ZMYND8: variants seen among roughly 807,000 people sequenced by gnomAD.
The protein encoded by ZMYND8 is MYND-type zinc finger-containing chromatin reader ZMYND8.
In ZMYND8, 37 loss-of-function variants were observed where a neutral mutation model predicts 140.8. The ratio of observed to expected loss-of-function variants is 0.26; its 90% CI spans 0.20 to 0.35. The LOEUF (loss-of-function observed/expected upper bound fraction) is 0.35. Among genes scored for constraint, ZMYND8 ranks in the 10% least tolerant of loss-of-function variants. The probability of loss-of-function intolerance (pLI) is 1.00; values close to 1 mark genes in which losing one functional copy is unlikely to be tolerated. For synonymous variants in ZMYND8, 592 were observed against 597.1 expected, an observed-to-expected ratio of 0.99 and a Z score of 0.12; for missense variants, 1,068 against 1,570.0, an observed-to-expected ratio of 0.68 and a Z score of 5.40.
At chr20:47,253,934 A>G (rs1243400328) in intron 12 of ZMYND8, among the ~76,000 whole-genome samples, 4 of 152,236 alleles carry the variant, frequency 2.6e-5, no homozygotes, top group Non-Finnish European at 4.4e-5. Context: ...TCTTGTTAGA[A>G]TAAACCACCA....
chr20:47,247,781 T>C (rs868423290), intron 13 of ZMYND8, among the ~76,000 whole-genome samples: 9 of 152,102 alleles, frequency 5.9e-5, no homozygotes, highest in Non-Finnish European at 8.8e-5. Flanking sequence ...AGCTGGATCA[T>C]TGGGGAATGT....
At chr20:47,225,540 T>G (rs1600978612) in intron 18 of ZMYND8, among the ~76,000 whole-genome samples, 6 of 14,860 alleles carry the variant, frequency 4.0e-4, no homozygotes, top group Non-Finnish European at 3.7e-4. Context: ...ACAACAAGAG[T>G]GAAACTCCAT....
intron 2 of ZMYND8, among the ~76,000 whole-genome samples, chr20:47,330,361 C>CTTTTTTT (rs111831182): frequency 8.4e-6 from 1 of 118,896 alleles, no homozygotes; most frequent in African/African-American, 3.1e-5. Context: ...GGGTTTTTTG[C>CTTTTTTT]TTTTTTTTTT....
chr20:47,239,269 A>G, intron 14 of ZMYND8, 131 bp from the exon 15 acceptor site: 1 of 1,230,770 alleles, frequency 8.1e-7, no homozygotes, highest in Non-Finnish European at 1.1e-6. Flanking sequence ...CGACGTGCCA[A>G]GCACACCGCG....
intron 3 of ZMYND8, among the ~76,000 whole-genome samples, chr20:47,300,372 T>C (rs2077933013): frequency 6.6e-6 from 1 of 152,184 alleles, no homozygotes. Context: ...GTATAACATG[T>C]TTCTTTTCTG....
chr20:47,346,691 C>G (rs1216682582), intron 2 of ZMYND8, among the ~76,000 whole-genome samples: 1 of 152,150 alleles, frequency 6.6e-6, no homozygotes, highest in African/African-American at 2.4e-5. Flanking sequence ...ACTGCAACCT[C>G]CGCCTCCCAG....
chr20:47,252,802 C>T (rs904895009), intron 12 of ZMYND8, among the ~76,000 whole-genome samples: 1 of 152,102 alleles, frequency 6.6e-6, no homozygotes, highest in African/African-American at 2.4e-5. Context: ...GCCTGTAATC[C>T]CAGCTACTCA....
intron 5 of ZMYND8, among the ~76,000 whole-genome samples, chr20:47,293,163 G>T (rs2077398211): frequency 4.3e-5 from 1 of 23,406 alleles, no homozygotes; most frequent in Admixed American, 3.3e-4. Context: ...AGGGAGGGAG[G>T]GAGGGAGGGA....
At chr20:47,312,831 G>T (rs529551883) in intron 2 of ZMYND8, among the ~76,000 whole-genome samples, 2 of 151,036 alleles carry the variant, frequency 1.3e-5, no homozygotes, top group African/African-American at 4.9e-5. Context: ...AGCCCGGGGT[G>T]AGCACATTCC....
At chr20:47,260,290 A>T (rs1044823354) in intron 12 of ZMYND8, among the ~76,000 whole-genome samples, 1 of 152,160 alleles carries the variant, frequency 6.6e-6, no homozygotes, top group Admixed American at 6.5e-5. Context: ...TATTTGAAAC[A>T]CAGCACCGAG....
chr20:47,283,478 C>A (rs1290091016), intron 9 of ZMYND8, 93 bp downstream of exon 9: 1 of 1,298,480 alleles, frequency 7.7e-7, no homozygotes, highest in Non-Finnish European at 1.1e-6. Flanking sequence ...TCCAAAGTTT[C>A]ATCTAATAAG....
At chr20:47,232,013 C>T (rs2038556735) in intron 16 of ZMYND8, among the ~76,000 whole-genome samples, 6 of 152,222 alleles carry the variant, frequency 3.9e-5, no homozygotes, top group Admixed American at 3.9e-4. Context: ...AGGAAAAGTT[C>T]ATCAGCTCCC....
At chr20:47,261,974 G>GGCAGGAGAATCACTTCAAC (rs2075188492) in intron 12 of ZMYND8, among the ~76,000 whole-genome samples, 1 of 152,006 alleles carries the variant, frequency 6.6e-6, no homozygotes, top group Admixed American at 6.6e-5. Flanking sequence ...GGGAGGCTGA[G>GGCAGGAGAATCACTTCAAC]GCAGGAGAAT....
At chr20:47,287,801 GGGCAACA>G (rs1284522909) in intron 7 of ZMYND8, among the ~76,000 whole-genome samples, 3 of 151,902 alleles carry the variant, frequency 2.0e-5, no homozygotes, top group African/African-American at 7.3e-5. Flanking sequence ...AGACCAGCCT[GGGCAACA>G]TAGCGAGACC....
Position 47,220,295 on chromosome 20 carries a change from C to T in ZMYND8, c.3447G>A (p.Thr1149=), listed in dbSNP as rs768047560. ...STLDLSGSRE[T]PSSILLGSNQ... is the part of the protein sequence containing the mutation. ...TGGAGCCTAAGAGAATGGAGGAGGGCGTCTCTCTGGAGCCAGAAAGGTCAA... is the reference window on the plus strand; with the variant it reads ...TGGAGCCTAAGAGAATGGAGGAGGGTGTCTCTCTGGAGCCAGAAAGGTCAA... The change falls in exon 21 of 23, where the codon ACG becomes ACA. Residue 1149 remains threonine (T), a synonymous_variant. Transcript: ENST00000471951. 11 of 1,564,598 alleles carry T rather than the reference C, an allele frequency of 7.0e-6. No individual in the cohort carries two copies. The East Asian group carries it at 1.2e-4, about 17-fold the overall frequency.
At chr20:47,246,825 T>C (rs2040618181) in intron 13 of ZMYND8, among the ~76,000 whole-genome samples, 2 of 152,092 alleles carry the variant, frequency 1.3e-5, no homozygotes, top group African/African-American at 4.8e-5. Flanking sequence ...ATTGGGATTA[T>C]TGAGAATGAA....
chr20:47,326,235 G>C (rs1283080647), intron 2 of ZMYND8, among the ~76,000 whole-genome samples: 1 of 152,188 alleles, frequency 6.6e-6, no homozygotes, highest in Non-Finnish European at 1.5e-5. Context: ...TGGGATTACA[G>C]GCATGAGCCA....
chr20:47,323,430 G>A (rs1406250971), intron 2 of ZMYND8, among the ~76,000 whole-genome samples: 2 of 151,902 alleles, frequency 1.3e-5, no homozygotes, highest in African/African-American at 4.8e-5. Flanking sequence ...TCGTAGCGAT[G>A]GGATCTCCTA....
chr20:47,322,321 T>C (rs920916774), intron 2 of ZMYND8, among the ~76,000 whole-genome samples: 5 of 151,986 alleles, frequency 3.3e-5, no homozygotes, highest in Non-Finnish European at 7.4e-5. Context: ...GGTGTGAGGA[T>C]AGACAGGGAA....
Sources: allele counts gnomAD v4.1 joint callset (sites outside exome capture counted in the v4.1 genomes callset), GRCh38; gene constraint gnomAD v4.1.1; transcripts MANE v1.5; gene names NCBI Gene and HGNC (gene_info 2026-07-23, HGNC 2026-07-21).